EVC2: variants seen among roughly 807,000 people sequenced by gnomAD.
EVC2 encodes limbin.
A neutral mutation model predicts 149.3 loss-of-function variants in EVC2; 148 were observed. The ratio of observed to expected loss-of-function variants is 0.99; its 90% CI spans 0.87 to 1.14. EVC2 has a LOEUF of 1.14. EVC2 is among the 50% of genes most tolerant of loss of function. The pLI, the probability that EVC2 is intolerant of heterozygous loss-of-function variation, is 0.00. For missense variants in EVC2, 1,854 were observed against 1,627.3 expected (o/e 1.14, Z -2.40); for synonymous variants, 776 against 649.9 (o/e 1.19, Z -2.95).
At chr4:5,704,869 CTATA>C (rs145021587) in intron 1 of EVC2, among the ~76,000 whole-genome samples, 1 of 149,926 alleles carries the variant, frequency 6.7e-6, no homozygotes, top group South Asian at 2.1e-4. Flanking sequence ...TCACACACAG[CTATA>C]TATATATATA....
intron 2 of EVC2, among the ~76,000 whole-genome samples, chr4:5,694,783 T>C (rs1209177763): frequency 6.6e-6 from 1 of 152,216 alleles, no homozygotes; most frequent in African/African-American, 2.4e-5. Context: ...GCAAGAATGA[T>C]GCCTGGGTTG....
At chr4:5,687,842 CA>C (rs1350574735) in intron 5 of EVC2, among the ~76,000 whole-genome samples, 2 of 150,752 alleles carry the variant, frequency 1.3e-5, no homozygotes, top group African/African-American at 2.4e-5. Flanking sequence ...TTCCCTTTAC[CA>C]GGCAGAGTGT....
intron 16 of EVC2, among the ~76,000 whole-genome samples, chr4:5,607,734 A>C (rs925614597): frequency 1.3e-5 from 2 of 152,118 alleles, no homozygotes; most frequent in Non-Finnish European, 2.9e-5. Context: ...TGGATTTTCT[A>C]TCTGAAAGCA....
chr4:5,572,228 T>C (rs1412934276), intron 19 of EVC2, among the ~76,000 whole-genome samples: 1 of 152,208 alleles, frequency 6.6e-6, no homozygotes, highest in Non-Finnish European at 1.5e-5. Flanking sequence ...TGGTGCCTGC[T>C]GCCCAGAGCT....
intron 2 of EVC2, among the ~76,000 whole-genome samples, chr4:5,695,913 C>T (rs955682314): frequency 4.6e-5 from 7 of 152,190 alleles, no homozygotes; most frequent in South Asian, 2.1e-4. Flanking sequence ...GGAGCTGGGT[C>T]CTGGATTAAA....
intron 21 of EVC2, among the ~76,000 whole-genome samples, chr4:5,550,130 T>C (rs190242218): frequency 1.3e-4 from 20 of 152,154 alleles, no homozygotes; most frequent in African/African-American, 4.8e-4. Context: ...ACTAATACAG[T>C]AAATTGGTAC....
intron 21 of EVC2, among the ~76,000 whole-genome samples, chr4:5,564,316 C>T (rs1299200009): frequency 6.6e-6 from 1 of 152,246 alleles, no homozygotes; most frequent in Admixed American, 6.5e-5. Context: ...TCTATTAGTG[C>T]AGCCTAGGAA....
intron 20 of EVC2, 23 bp from the exon 21 acceptor site, chr4:5,565,382 A>G (rs1722213438): frequency 6.2e-7 from 1 of 1,611,620 alleles, no homozygotes; most frequent in Non-Finnish European, 8.5e-7. Flanking sequence ...AGGGAGTCTT[A>G]TAGTTTCAAA....
At chr4:5,593,138 C>G (rs546462838) in intron 16 of EVC2, among the ~76,000 whole-genome samples, 1 of 152,090 alleles carries the variant, frequency 6.6e-6, no homozygotes, top group African/African-American at 2.4e-5. Flanking sequence ...CCTGCAGAAC[C>G]GTGAATCAAT....
intron 16 of EVC2, among the ~76,000 whole-genome samples, chr4:5,590,839 C>G (rs974931720): frequency 6.6e-6 from 1 of 152,102 alleles, no homozygotes; most frequent in African/African-American, 2.4e-5. Flanking sequence ...AATTTAATTG[C>G]CTCCCCAGCC....
rs542078424 is a variant in EVC2, at chr4:5,642,547, A to C, written c.1146-1709T>G. On this transcript the variant is annotated intron_variant, in intron 9 of 21. Coordinates refer to ENST00000344408, the MANE Select transcript of EVC2 (RefSeq NM_147127.5). ...CTTGCAAATTACAAAATCTAAAACA[A>C]TCCTGAAGTGAATCACTTTTTACAG... Among the ~76,000 whole-genome samples the C allele has an allele frequency of 2.6e-5, 4 of 152,350 alleles. No individual in the cohort carries two copies. The East Asian group carries it at 7.7e-4, about 29-fold the overall frequency.
chr4:5,615,388 G>A (rs774745019), intron 16 of EVC2, 34 bp downstream of exon 16: 1 of 1,613,992 alleles, frequency 6.2e-7, no homozygotes. Flanking sequence ...GCCATGTGCA[G>A]AGAGAAACAG....
rs1719084912 is a variant in EVC2 at position 5,663,936 on chromosome 4, G to T, written c.1006-690C>A. On this transcript the variant is annotated intron_variant, in intron 8 of 21. Transcript: ENST00000344408. ...ACTCTGTCTCAAAAAAATAAAGAAA[G>T]AAAGAAAGAATATAGGATTGTGAGC... 2.0e-5 allele frequency among the ~76,000 whole-genome samples: 3 copies of T among 152,028 alleles called. No homozygotes were observed. The South Asian group carries it at 6.2e-4, about 32-fold the overall frequency.
chr4:5,708,774 C>G (rs923545801), upstream of EVC2: 29 of 370,840 alleles, frequency 7.8e-5, no homozygotes, highest in Non-Finnish European at 1.2e-4. Context: ...GAGCGGGTCA[C>G]TCCCCTGCTC....
chr4:5,641,754 G>T (rs1474596049), intron 9 of EVC2, among the ~76,000 whole-genome samples: 1 of 152,148 alleles, frequency 6.6e-6, no homozygotes, highest in East Asian at 1.9e-4. Flanking sequence ...CAGAACTAAT[G>T]AAGGCATTTA....
At chr4:5,571,179 G>A (rs1025002631) in intron 19 of EVC2, among the ~76,000 whole-genome samples, 2 of 151,910 alleles carry the variant, frequency 1.3e-5, no homozygotes, top group Admixed American at 6.6e-5. Context: ...TTAGCCGGGC[G>A]TGGTGGCGTG....
chr4:5,676,981 TGTA>T (rs1720036644), intron 7 of EVC2, among the ~76,000 whole-genome samples: 1 of 152,166 alleles, frequency 6.6e-6, no homozygotes. Flanking sequence ...ATAGCACCTG[TGTA>T]GCCCCCGTGG....
At chr4:5,542,006 G>C (rs1372885374), downstream of EVC2, among the ~76,000 whole-genome samples, 1 of 152,156 alleles carries the variant, frequency 6.6e-6, no homozygotes, top group Non-Finnish European at 1.5e-5. Flanking sequence ...AGATCATGAG[G>C]TTTGGCCCTC....
chr4:5,603,742 T>C (rs1298518907), intron 16 of EVC2, among the ~76,000 whole-genome samples: 1 of 152,194 alleles, frequency 6.6e-6, no homozygotes, highest in Non-Finnish European at 1.5e-5. Flanking sequence ...AGATACATGG[T>C]AGATGTGCCA....
Sources: allele counts gnomAD v4.1 joint callset (sites outside exome capture counted in the v4.1 genomes callset), GRCh38; gene constraint gnomAD v4.1.1; transcripts MANE v1.5; gene names NCBI Gene and HGNC (gene_info 2026-07-23, HGNC 2026-07-21).